The following AP3S2 variants were observed in gnomAD, a reference collection of about 807,000 sequenced individuals.
The protein encoded by AP3S2 is AP-3 complex subunit sigma-2.
Under a neutral mutation model 23.4 loss-of-function variants are expected in AP3S2, and 22 were observed. The observed-to-expected ratio is 0.94, with a 90% CI of 0.67 to 1.34. AP3S2 has a LOEUF of 1.34. Among genes scored for constraint, AP3S2 ranks in the 40% most tolerant of loss-of-function variants. The probability of loss-of-function intolerance (pLI) is 0.00; values close to 1 mark genes in which losing one functional copy is unlikely to be tolerated. For synonymous variants in AP3S2, 86 were observed against 87.1 expected, an observed-to-expected ratio of 0.99 and a Z score of 0.07; for missense variants, 241 against 236.9, an observed-to-expected ratio of 1.02 and a Z score of -0.11.
intron 1 of AP3S2, 47 bp from the exon 2 acceptor site, chr15:89,889,187 T>G (rs780499450): frequency 2.5e-6 from 4 of 1,606,932 alleles, no homozygotes; most frequent in Non-Finnish European, 3.4e-6. Flanking sequence ...CCTGAAAAAC[T>G]ACATCCCATC....
intron 3 of AP3S2, among the ~76,000 whole-genome samples, chr15:89,878,476 T>A (rs895737366): frequency 6.6e-6 from 1 of 152,202 alleles, no homozygotes; most frequent in Non-Finnish European, 1.5e-5. Context: ...ATACGCAGCC[T>A]CACCACTATT....
chr15:89,873,280 TG>T (rs1311096459), intron 3 of AP3S2, among the ~76,000 whole-genome samples: 29 of 148,082 alleles, frequency 2.0e-4, no homozygotes, highest in Non-Finnish European at 3.3e-4. Flanking sequence ...GACCTCTGTC[TG>T]TCTTCTTTTT....
chr15:89,832,075 T>G lies in AP3S2; in HGVS notation c.*3440A>C, dbSNP rs772569077. On this transcript the variant is annotated 3_prime_UTR_variant, in exon 6 of 6. Coordinates refer to ENST00000336418, the MANE Select transcript of AP3S2 (RefSeq NM_005829.5). ...TAATCTTCAGAGCCTAGAACTGAGC[T>G]TGGCCCTCACCAGGCACTTAGAAAT... The G allele has an allele frequency of 2.6e-5, 4 of 152,220 alleles. No homozygotes were observed. The highest frequency in any genetic ancestry group is 6.5e-5 in the Admixed American group (1 of 15,282). The allele number at this position is 152,220 out of a possible 1,614,324, so 9.4% of individuals were successfully genotyped here.
At chr15:89,839,916 C>T (rs890053260) in intron 4 of AP3S2, among the ~76,000 whole-genome samples, 12 of 151,476 alleles carry the variant, frequency 7.9e-5, no homozygotes, top group African/African-American at 2.9e-4. Flanking sequence ...CAATGTAACA[C>T]GGATGAACCT....
At chr15:89,879,800 G>A (rs1246233211) in intron 3 of AP3S2, among the ~76,000 whole-genome samples, 1 of 151,892 alleles carries the variant, frequency 6.6e-6, no homozygotes, top group Admixed American at 6.6e-5. Context: ...TGGAGATACA[G>A]TTTCACCATG....
intron 4 of AP3S2, among the ~76,000 whole-genome samples, chr15:89,854,538 G>A (rs1238022334): frequency 2.0e-4 from 14 of 68,876 alleles, no homozygotes; most frequent in South Asian, 1.3e-3. Context: ...TCAGCCCCCC[G>A]CCCGGCCAGC....
rs752518385 is a variant in AP3S2, at chr15:89,832,959, A to G, written c.*2556T>C. 12 of 152,208 alleles carry G rather than the reference A, an allele frequency of 7.9e-5. No homozygotes were observed. The highest frequency in any genetic ancestry group is 3.3e-4 in the Admixed American group (5 of 15,290). 9.4% of individuals were successfully genotyped at this position (152,208 alleles called of 1,614,324 possible). ...GGCTTCAGTTTTATGTCATTGTAAGAGGCCATGTGAGGGATGTTTGGATGC... is the reference window on the plus strand; with the variant it reads ...GGCTTCAGTTTTATGTCATTGTAAGGGGCCATGTGAGGGATGTTTGGATGC... On this transcript the variant is annotated 3_prime_UTR_variant, in exon 6 of 6. Transcript: ENST00000336418.
intron 4 of AP3S2, among the ~76,000 whole-genome samples, chr15:89,842,967 A>G (rs879277722): frequency 2.0e-5 from 3 of 151,422 alleles, no homozygotes; most frequent in African/African-American, 4.9e-5. Flanking sequence ...AATGGGGACC[A>G]TTATTCCCAG....
Position 89,831,938 on chromosome 15 carries a change from G to A in AP3S2, c.*3577C>T, listed in dbSNP as rs1177660788. ...CATATATCACAAAGTTACTGACTGCGGTCTCCACAAATTCAGGCTGCCAGT... is the reference window on the plus strand; with the variant it reads ...CATATATCACAAAGTTACTGACTGCAGTCTCCACAAATTCAGGCTGCCAGT... On this transcript the variant is annotated 3_prime_UTR_variant, in exon 6 of 6. Coordinates refer to ENST00000336418, the MANE Select transcript of AP3S2 (RefSeq NM_005829.5). 2 of 152,208 alleles carry A rather than the reference G, an allele frequency of 1.3e-5. No homozygotes were observed. Among genetic ancestry groups the A allele is most frequent in the African/African-American group, 2.4e-5 (1 of 41,424 alleles). The allele number at this position is 152,208 out of a possible 1,614,324, so 9.4% of individuals were successfully genotyped here.
At chr15:89,857,234 G>A (rs1331725205) in intron 4 of AP3S2, among the ~76,000 whole-genome samples, 2 of 152,116 alleles carry the variant, frequency 1.3e-5, no homozygotes, top group African/African-American at 2.4e-5. Flanking sequence ...CATCCACCTC[G>A]GCCTCCCAAA....
intron 3 of AP3S2, among the ~76,000 whole-genome samples, chr15:89,878,052 G>A (rs1035575015): frequency 2.6e-5 from 4 of 151,976 alleles, no homozygotes; most frequent in African/African-American, 9.7e-5. Flanking sequence ...GCATTTTTTT[G>A]TGTCTGTTAT....
intron 4 of AP3S2, among the ~76,000 whole-genome samples, chr15:89,859,017 CT>C (rs60101362): frequency 0.03 from 4,346 of 146,428 alleles, 321 homozygotes; most frequent in East Asian, 0.27. Context: ...TTGTTTTTTT[CT>C]TTTTTTTTTT....
In AP3S2 at chr15:89,835,969, G is replaced by A. The variant is rs192949364; in HGVS notation, c.454-326C>T. Among the ~76,000 whole-genome samples, 21 of 152,168 alleles carry A rather than the reference G, an allele frequency of 1.4e-4. No homozygotes were observed. The East Asian group carries it at 2.3e-3, about 17-fold the overall frequency. On this transcript the variant is annotated intron_variant, in intron 5 of 5. Transcript: ENST00000336418. ...CTTGAACTCAGAAGGCGGAGGTTGC[G>A]GTGAGCTGAGATCACGCCACTGCAC...
rs114070858 is a variant in AP3S2 at position 89,856,937 on chromosome 15, A to G, written c.345+14538T>C. On this transcript the variant is annotated intron_variant, in intron 4 of 5. Coordinates refer to ENST00000336418, the MANE Select transcript of AP3S2 (RefSeq NM_005829.5). Reference sequence around the variant, plus strand: ...ACCCACAAAATTGGGACACATATCTATTTCACATCAACTAATCAACTCTGA... The same window carrying G: ...ACCCACAAAATTGGGACACATATCTGTTTCACATCAACTAATCAACTCTGA... 1.4e-3 allele frequency among the ~76,000 whole-genome samples: 215 copies of G among 152,118 alleles called. 1 individual carries two copies. The highest frequency in any genetic ancestry group is 6.8e-3 in the Middle Eastern group (2 of 294).
chr15:89,854,066 A>G (rs1234947421), intron 4 of AP3S2, among the ~76,000 whole-genome samples: 1 of 33,672 alleles, frequency 3.0e-5, no homozygotes. Flanking sequence ...TCCGGGAGGG[A>G]GGTGGGGGGT....
chr15:89,840,290 C>G (rs910415509), intron 4 of AP3S2, among the ~76,000 whole-genome samples: 1 of 152,122 alleles, frequency 6.6e-6, no homozygotes, highest in African/African-American at 2.4e-5. Context: ...GTATTTATTC[C>G]TTTTATTTAG....
At chr15:89,893,795 G>C (rs1896874117) in intron 1 of AP3S2, 86 bp downstream of exon 1, 8 of 1,356,108 alleles carry the variant, frequency 5.9e-6, no homozygotes, top group Non-Finnish European at 8.2e-6. Flanking sequence ...ACCAAAGAGC[G>C]GTGCCCCCGG....
chr15:89,843,018 C>T (rs1480662230), intron 4 of AP3S2, among the ~76,000 whole-genome samples: 2 of 151,848 alleles, frequency 1.3e-5, no homozygotes, highest in Non-Finnish European at 2.9e-5. Flanking sequence ...GAGTTTCACT[C>T]TTGTTATCCA....
rs1376569143 is a variant in AP3S2, at chr15:89,878,558, T to G, written c.274-7012A>C. Among the ~76,000 whole-genome samples, 4 of 152,088 alleles carry G rather than the reference T, an allele frequency of 2.6e-5. No individual in the cohort carries two copies. The East Asian group carries it at 7.7e-4, about 29-fold the overall frequency. On this transcript the variant is annotated intron_variant, in intron 3 of 5. Coordinates refer to ENST00000336418, the MANE Select transcript of AP3S2 (RefSeq NM_005829.5). ...CAGATTGGCAAACATTTGAAAATAT[T>G]CTTATTTTTATCTTATTTTTGAGAC...
Sources: gnomAD v4.1 joint callset for allele counts (sites outside exome capture counted in the v4.1 genomes callset) on GRCh38, gnomAD v4.1.1 for gene constraint, MANE v1.5 for transcripts, NCBI Gene and HGNC (gene_info 2026-07-23, HGNC 2026-07-21) for gene names.